CTNND1: variants seen among roughly 807,000 people sequenced by gnomAD.
CTNND1 encodes catenin delta 1.
Under a neutral mutation model 112.1 loss-of-function variants are expected in CTNND1, and 16 were observed. The observed-to-expected ratio is 0.14, with a 90% CI of 0.10 to 0.22. The LOEUF (loss-of-function observed/expected upper bound fraction) is 0.22, where lower values mean the gene tolerates loss of function less well. CTNND1 is among the 10% of genes least tolerant of loss of function. The pLI, the probability that CTNND1 is intolerant of heterozygous loss-of-function variation, is 1.00. For synonymous variants in CTNND1, 420 were observed against 446.5 expected, an observed-to-expected ratio of 0.94 and a Z score of 0.75; for missense variants, 1,008 against 1,257.0, an observed-to-expected ratio of 0.80 and a Z score of 3.00.
intron 1 of CTNND1, among the ~76,000 whole-genome samples, chr11:57,785,257 G>A (rs554051597): frequency 6.6e-5 from 10 of 152,240 alleles, no homozygotes; most frequent in Admixed American, 1.3e-4. Context: ...CTTTCTGTGC[G>A]TCAAGACATT....
chr11:57,788,911 A>T lies in CTNND1; in HGVS notation c.-213-126A>T, dbSNP rs2060408582. On this transcript the variant is annotated intron_variant, in intron 1 of 20. Transcript: ENST00000399050. The surrounding 1 kb of genome is among the most constrained non-coding windows in gnomAD (Gnocchi z 4.1). ...TAAAGGGCACTTGTCACATTAAGCA[A>T]TTCCAAGTCATATTTTAAATTACTT... 39 of 748,254 alleles carry T rather than the reference A, an allele frequency of 5.2e-5. No homozygotes were observed. The South Asian group carries it at 6.3e-4, about 12-fold the overall frequency. The allele number at this position is 748,254 out of a possible 1,614,324, so 46.4% of individuals were successfully genotyped here. A position where few individuals can be genotyped will look rare whatever the true frequency, so the allele number is the denominator to read the frequency against.
At chr11:57,766,248 C>T (rs1951046958) in intron 1 of CTNND1, among the ~76,000 whole-genome samples, 2 of 152,132 alleles carry the variant, frequency 1.3e-5, no homozygotes, top group Admixed American at 6.5e-5. Context: ...GCTTTCAGCC[C>T]TGGTTGGAGG....
chr11:57,769,526 C>T (rs1404586240), intron 1 of CTNND1, among the ~76,000 whole-genome samples: 5 of 152,118 alleles, frequency 3.3e-5, no homozygotes, highest in Non-Finnish European at 7.4e-5. Flanking sequence ...ATAATTTCTT[C>T]TACCAATTCT....
intron 10 of CTNND1, 55 bp from the exon 11 acceptor site, chr11:57,806,405 AT>A: frequency 6.7e-7 from 1 of 1,500,456 alleles, no homozygotes; most frequent in Non-Finnish European, 9.1e-7. Context: ...TTTCTCCTGC[AT>A]TTTTCTTATT....
At chr11:57,774,123 T>C (rs1953555524) in intron 1 of CTNND1, among the ~76,000 whole-genome samples, 1 of 152,254 alleles carries the variant, frequency 6.6e-6, no homozygotes, top group Non-Finnish European at 1.5e-5. Flanking sequence ...TCGCTTGCTC[T>C]TACTCAAACC....
intron 1 of CTNND1, among the ~76,000 whole-genome samples, chr11:57,769,168 A>T (rs1951901796): frequency 6.6e-6 from 1 of 151,676 alleles, no homozygotes; most frequent in South Asian, 2.1e-4. Flanking sequence ...AAAAAAAATT[A>T]GCTGGGCATG....
chr11:57,778,337 G>A (rs1030060307), intron 1 of CTNND1, among the ~76,000 whole-genome samples: 3 of 152,106 alleles, frequency 2.0e-5, no homozygotes, highest in Admixed American at 2.0e-4. Flanking sequence ...TTCTCCAAAT[G>A]GGAATATTCC....
At chr11:57,762,711 CCTT>C (rs2135792770) in intron 1 of CTNND1, among the ~76,000 whole-genome samples, 1 of 152,182 alleles carries the variant, frequency 6.6e-6, no homozygotes, top group South Asian at 2.1e-4. Context: ...ATGTAGTCTC[CCTT>C]CTTTGGCTTA....
intron 3 of CTNND1, 23 bp downstream of exon 3, chr11:57,791,696 G>A (rs764368800): frequency 2.6e-6 from 4 of 1,509,976 alleles, no homozygotes; most frequent in Non-Finnish European, 3.6e-6. Flanking sequence ...TCCATCAGAC[G>A]TGCAGGTAGG....
At chr11:57,791,722 CAG>C (rs751053816) in intron 3 of CTNND1, 49 bp downstream of exon 3, 174 of 1,475,394 alleles carry the variant, frequency 1.2e-4, no homozygotes, top group Non-Finnish European at 1.5e-4. Flanking sequence ...GGCATGGTCA[CAG>C]AGAGGCTATG....
intron 1 of CTNND1, among the ~76,000 whole-genome samples, chr11:57,782,630 A>G (rs2059696191): frequency 6.6e-6 from 1 of 152,240 alleles, no homozygotes; most frequent in Non-Finnish European, 1.5e-5. Flanking sequence ...AGTAGGTTAC[A>G]GTCTATTTCT....
intron 1 of CTNND1, among the ~76,000 whole-genome samples, chr11:57,785,763 G>T (rs966861209): frequency 6.6e-6 from 1 of 151,764 alleles, no homozygotes; most frequent in African/African-American, 2.4e-5. Context: ...TGGTCAGGCC[G>T]GTCTCAAACC....
At position 57,796,627 on chromosome 11, in the gene CTNND1, T is replaced by A. The variant is rs923476670; in HGVS notation, c.591T>A (p.Ala197=). ...GACCTGGTCCCTATGTGGGGCAAGC[T>A]GGCACTGCTACCCTTCCTAGGAACT... The part of the protein sequence containing the change: ...NGGPGPYVGQ[A]GTATLPRNFH... Residue 197 remains alanine (A), a synonymous_variant, in exon 6 of 21, where the codon GCT becomes GCA. Transcript: ENST00000399050. 3 of 1,613,928 alleles carry A rather than the reference T, an allele frequency of 1.9e-6. No homozygotes were observed. The highest frequency in any genetic ancestry group is 2.5e-6 in the Non-Finnish European group (3 of 1,179,910).
chr11:57,762,248 G>T (rs1010858467), intron 1 of CTNND1, 129 bp downstream of exon 1: 1 of 289,326 alleles, frequency 3.5e-6, no homozygotes, highest in South Asian at 1.3e-4. Context: ...ATTTAAAAAG[G>T]TAAAATATAC....
In CTNND1 at chr11:57,807,049, C is replaced by T. The variant is rs192016682; in HGVS notation, c.1963+66C>T. ...GTACAAAGATAAGATATTTAGTAAC[C>T]TAACAGCAGACTTTATGTAATACGT... On this transcript the variant is annotated intron_variant, in intron 12 of 20. Transcript: ENST00000399050. 1.1e-5 allele frequency: 14 copies of T among 1,242,174 alleles called. No individual in the cohort carries two copies. The Admixed American group carries it at 2.7e-4, about 24-fold the overall frequency. The allele number at this position is 1,242,174 out of a possible 1,614,324, so 76.9% of individuals were successfully genotyped here.
At chr11:57,774,572 C>T (rs1469638169) in intron 1 of CTNND1, among the ~76,000 whole-genome samples, 1 of 152,114 alleles carries the variant, frequency 6.6e-6, no homozygotes, top group Non-Finnish European at 1.5e-5. Flanking sequence ...GTCTGGTGAG[C>T]AGTAAAACTG....
chr11:57,777,269 C>T (rs923615929), intron 1 of CTNND1, among the ~76,000 whole-genome samples: 1 of 152,128 alleles, frequency 6.6e-6, no homozygotes, highest in Non-Finnish European at 1.5e-5. Flanking sequence ...CCTGGTCATA[C>T]CAGATCCAGA....
intron 2 of CTNND1, among the ~76,000 whole-genome samples, chr11:57,789,842 G>A (rs1029590194): frequency 3.9e-5 from 6 of 152,196 alleles, no homozygotes; most frequent in African/African-American, 1.4e-4. Context: ...AGCCATTGAC[G>A]TGTGGAGGTT....
At chr11:57,812,645 T>C (rs2063502849) in intron 17 of CTNND1, among the ~76,000 whole-genome samples, 2 of 152,218 alleles carry the variant, frequency 1.3e-5, no homozygotes, top group South Asian at 2.1e-4. Context: ...ACTTGTGTTA[T>C]TGTTTCAGTT....
Sources: allele counts gnomAD v4.1 joint callset (sites outside exome capture counted in the v4.1 genomes callset), GRCh38; gene constraint gnomAD v4.1.1; non-coding constraint Gnocchi (gnomAD v3.1); transcripts MANE v1.5; gene names NCBI Gene and HGNC (gene_info 2026-07-23, HGNC 2026-07-21).